Variants in CSMD3 observed in about 807,000 individuals in gnomAD.
CSMD3 encodes CUB and sushi domain-containing protein 3.
In CSMD3, 177 loss-of-function variants were observed where a neutral mutation model predicts 435.2. The observed-to-expected ratio is 0.41, with a 90% CI of 0.36 to 0.46. The LOEUF is 0.46. Among genes scored for constraint, CSMD3 ranks in the 20% least tolerant of loss-of-function variants. The pLI is 0.34. For missense variants in CSMD3, 4,265 were observed against 4,504.6 expected (o/e 0.95, Z 1.52); for synonymous variants, 1,656 against 1,520.5 (o/e 1.09, Z -2.07).
intron 45 of CSMD3, among the ~76,000 whole-genome samples, chr8:112,332,048 C>G (rs1824117633): frequency 1.3e-5 from 2 of 151,998 alleles, no homozygotes; most frequent in South Asian, 4.1e-4. Context: ...TAACACTGCT[C>G]AAATAAATGC....
At chr8:112,939,606 T>C (rs2083389443) in intron 9 of CSMD3, among the ~76,000 whole-genome samples, 2 of 152,082 alleles carry the variant, frequency 1.3e-5, no homozygotes, top group South Asian at 4.1e-4. Flanking sequence ...ACATACTTGT[T>C]TTGTAAAAAA....
Position 112,295,899 on chromosome 8 carries a change from T to C in CSMD3, c.8548A>G (p.Ile2850Val). The C allele has an allele frequency of 1.2e-6, 2 of 1,613,958 alleles. No individual in the cohort carries two copies. The highest frequency in any genetic ancestry group is 1.7e-6 in the Non-Finnish European group (2 of 1,179,946). ...VYQCNPGFRL[I>V]GSSVRICQQD... ...TGACATATCCTCACTGAAGAACCAA[T>C]CAATCGAAAACCAGGATTACATTGA... is the stretch of plus-strand genomic sequence containing the variant. Residue 2850 changes from isoleucine (I) to valine (V), a missense_variant, in exon 54 of 71, where the codon ATT becomes GTT. By Grantham distance (29) the Ile-to-Val change is conservative. This residue lies in a region of CSMD3 where 3,255 missense variants were observed against 3,380.2 expected (regional missense o/e 0.96). Transcript: ENST00000297405.
intron 32 of CSMD3, among the ~76,000 whole-genome samples, chr8:112,410,652 G>GTATATATATATGTA (rs765482386): frequency 1.1e-4 from 4 of 36,598 alleles, no homozygotes; most frequent in South Asian, 7.2e-4. Context: ...ATATATATGT[G>GTATATATATATGTA]TATATATATG....
intron 4 of CSMD3, among the ~76,000 whole-genome samples, chr8:113,101,685 A>G (rs542007552): frequency 6.6e-6 from 1 of 152,138 alleles, no homozygotes; most frequent in East Asian, 1.9e-4. Context: ...TTTTCACTTG[A>G]AAACAAGGAT....
intron 1 of CSMD3, among the ~76,000 whole-genome samples, chr8:113,342,738 T>A (rs2094128266): frequency 1.3e-5 from 2 of 152,126 alleles, no homozygotes; most frequent in Admixed American, 1.3e-4. Context: ...TAGATCTCAC[T>A]CACAATGTAT....
At chr8:112,760,651 T>C (rs888600165) in intron 13 of CSMD3, among the ~76,000 whole-genome samples, 1 of 152,186 alleles carries the variant, frequency 6.6e-6, no homozygotes, top group African/African-American at 2.4e-5. Flanking sequence ...AAAATATTCT[T>C]ATCATCACAT....
intron 10 of CSMD3, among the ~76,000 whole-genome samples, chr8:112,860,004 G>T (rs2080779161): frequency 6.6e-6 from 1 of 151,680 alleles, no homozygotes; most frequent in Admixed American, 6.6e-5. Context: ...ATAATCTATT[G>T]TATATTTAAA....
intron 17 of CSMD3, 41 bp from the exon 18 acceptor site, chr8:112,656,382 A>G (rs1369968068): frequency 1.4e-6 from 2 of 1,462,946 alleles, no homozygotes; most frequent in Non-Finnish European, 1.9e-6. Context: ...TTTAGAATTA[A>G]CACTATATAT....
In CSMD3 at chr8:113,086,079, TAA is replaced by T. The variant is rs779680780; in HGVS notation, c.917+12675_917+12676del. The stretch of plus-strand genomic sequence containing the variant: ...GGTGAAACCCCATATCTACTAAAAA[TAA>T]ACACACACACACAAAAATTAGCCAG... On this transcript the variant is annotated intron_variant, in intron 5 of 70. Coordinates refer to ENST00000297405, the MANE Select transcript of CSMD3 (RefSeq NM_198123.2). 3.4e-4 allele frequency among the ~76,000 whole-genome samples: 45 copies of T among 133,264 alleles called. 1 individual carries two copies. The South Asian group carries it at 8.5e-3, about 25-fold the overall frequency. The allele number at this position is 133,264 out of a possible 152,430, so 87.4% of individuals were successfully genotyped here. A position where few individuals can be genotyped will look rare whatever the true frequency, so the allele number is the denominator to read the frequency against.
chr8:112,943,900 T>A (rs2083525916), intron 9 of CSMD3, among the ~76,000 whole-genome samples: 1 of 151,714 alleles, frequency 6.6e-6, no homozygotes, highest in South Asian at 2.1e-4. Flanking sequence ...CTAATCTGTA[T>A]GCCTGAAAGA....
chr8:112,265,942 T>C (rs1428582539), intron 59 of CSMD3, among the ~76,000 whole-genome samples: 1 of 152,126 alleles, frequency 6.6e-6, no homozygotes, highest in Non-Finnish European at 1.5e-5. Flanking sequence ...ACATAATATT[T>C]GAAATTCATA....
At chr8:112,977,328 T>A (rs767448078) in intron 6 of CSMD3, among the ~76,000 whole-genome samples, 51 of 152,192 alleles carry the variant, frequency 3.4e-4, no homozygotes, top group Non-Finnish European at 6.3e-4. Flanking sequence ...TATATGTTTT[T>A]ATACACTTTT....
intron 55 of CSMD3, among the ~76,000 whole-genome samples, 198 bp downstream of exon 55, chr8:112,292,339 C>A (rs916985257): frequency 6.6e-6 from 1 of 151,864 alleles, no homozygotes; most frequent in African/African-American, 2.4e-5. Context: ...TTAACTCTAC[C>A]ACTTTTAACT....
chr8:113,356,705 T>A (rs930893284), intron 1 of CSMD3, among the ~76,000 whole-genome samples: 5 of 152,158 alleles, frequency 3.3e-5, no homozygotes, highest in Non-Finnish European at 7.4e-5. Context: ...GGTACTACGT[T>A]TTATTCTATC....
chr8:113,242,001 T>C (rs1218280155), intron 3 of CSMD3, among the ~76,000 whole-genome samples: 2 of 151,288 alleles, frequency 1.3e-5, no homozygotes, highest in African/African-American at 2.4e-5. Context: ...TATATACATA[T>C]ATACATATTT....
chr8:112,683,009 T>C (rs556856899), intron 15 of CSMD3, among the ~76,000 whole-genome samples: 7 of 152,082 alleles, frequency 4.6e-5, no homozygotes, highest in Non-Finnish European at 5.9e-5. Context: ...GAAGCATTAG[T>C]ATGTATTCCT....
At chr8:113,365,928 A>G (rs2094308526) in intron 1 of CSMD3, among the ~76,000 whole-genome samples, 1 of 152,154 alleles carries the variant, frequency 6.6e-6, no homozygotes, top group East Asian at 1.9e-4. Flanking sequence ...AAAACCCACC[A>G]AATTATATAA....
intron 23 of CSMD3, among the ~76,000 whole-genome samples, chr8:112,582,634 C>G (rs1201574057): frequency 6.6e-6 from 1 of 151,840 alleles, no homozygotes; most frequent in Non-Finnish European, 1.5e-5. Flanking sequence ...CAAAGCATAA[C>G]ATGAAAAAGG....
intron 58 of CSMD3, among the ~76,000 whole-genome samples, chr8:112,285,573 T>C (rs1241355355): frequency 6.6e-6 from 1 of 152,162 alleles, no homozygotes; most frequent in Non-Finnish European, 1.5e-5. Context: ...ATATGTTTGG[T>C]ACAACGTCAA....
Sources: gnomAD v4.1 joint callset for allele counts (sites outside exome capture counted in the v4.1 genomes callset) on GRCh38, gnomAD v4.1.1 for gene constraint, gnomAD v4.1.1 regional missense constraint, MANE v1.5 for transcripts, NCBI Gene and HGNC (gene_info 2026-07-23, HGNC 2026-07-21) for gene names.